The following FHIP2A variants were observed in gnomAD, a reference collection of about 807,000 sequenced individuals.
The protein encoded by FHIP2A is family with sequence similarity 160 member B1.
In FHIP2A, 46 loss-of-function variants were observed where a neutral mutation model predicts 93.5. That is an observed-to-expected ratio of 0.49 (90% confidence interval 0.39 to 0.63). The LOEUF is 0.63. FHIP2A is among the 20% of genes least tolerant of loss of function. The probability of loss-of-function intolerance (pLI) is 0.00; values close to 1 mark genes in which losing one functional copy is unlikely to be tolerated. For missense variants in FHIP2A, 769 were observed against 909.7 expected, an observed-to-expected ratio of 0.85 and a Z score of 1.99; for synonymous variants, 332 against 326.5, an observed-to-expected ratio of 1.02 and a Z score of -0.18.
At position 114,861,040 on chromosome 10, in the gene FHIP2A, A is replaced by G. The variant is rs553532271; in HGVS notation, c.2088+151A>G. ...TACATTCTGAACTACTATTTTTTCA[A>G]TTATTTTAAATAATATGTAACTTTT... On this transcript the variant is annotated intron_variant, in intron 15 of 16. Coordinates refer to ENST00000369248, the MANE Select transcript of FHIP2A (RefSeq NM_020940.4). The G allele has an allele frequency of 2.8e-5, 29 of 1,032,572 alleles. No homozygotes were observed. In the African/African-American group the frequency reaches 4.4e-4, roughly 16 times the overall value. 64.0% of individuals were successfully genotyped at this position (1,032,572 alleles called of 1,614,324 possible).
At chr10:114,870,367 A>C (rs2083853549) in intron 16 of FHIP2A, among the ~76,000 whole-genome samples, 1 of 147,124 alleles carries the variant, frequency 6.8e-6, no homozygotes, top group Admixed American at 6.8e-5. Context: ...GCCTCTTAAC[A>C]ATGATTTTAA....
chr10:114,821,821 A>C lies in FHIP2A; in HGVS notation c.-258A>C. 1 of 212,980 alleles carries C rather than the reference A, an allele frequency of 4.7e-6. No individual in the cohort carries two copies. Among genetic ancestry groups the C allele is most frequent in the Non-Finnish European group, 9.3e-6 (1 of 108,012 alleles). 13.2% of individuals were successfully genotyped at this position (212,980 alleles called of 1,614,324 possible). On this transcript the variant is annotated 5_prime_UTR_variant, in exon 1 of 17. Transcript: ENST00000369248. ...GTGTCCCAACCGGTGCCGCCGCCGG[A>C]GCTTCTCCGGGCCCCGAGTCCTCGC...
chr10:114,867,318 G>A (rs540170644), downstream of FHIP2A, among the ~76,000 whole-genome samples: 4 of 152,086 alleles, frequency 2.6e-5, no homozygotes, highest in South Asian at 8.3e-4. Context: ...TCATTCTGAT[G>A]TTGGTATAAA....
chr10:114,857,113 T>G (rs962306449), intron 14 of FHIP2A, among the ~76,000 whole-genome samples: 25 of 151,108 alleles, frequency 1.7e-4, no homozygotes, highest in Non-Finnish European at 2.4e-4. Context: ...AAAACAAAAT[T>G]AAAACACAAA....
At chr10:114,834,735 A>C (rs958604082) in intron 3 of FHIP2A, among the ~76,000 whole-genome samples, 1 of 152,174 alleles carries the variant, frequency 6.6e-6, no homozygotes, top group African/African-American at 2.4e-5. Flanking sequence ...TTCTTTGCCT[A>C]TTATAATCAT....
At chr10:114,857,314 C>CTTTTTTTTTT (rs78583275) in intron 14 of FHIP2A, among the ~76,000 whole-genome samples, 31 of 120,700 alleles carry the variant, frequency 2.6e-4, no homozygotes, top group Non-Finnish European at 7.2e-5. Context: ...ATTTCTTCTT[C>CTTTTTTTTTT]TTTTTTTTTT....
At chr10:114,825,359 T>A (rs1419491256) in intron 1 of FHIP2A, among the ~76,000 whole-genome samples, 1 of 152,212 alleles carries the variant, frequency 6.6e-6, no homozygotes, top group African/African-American at 2.4e-5. Flanking sequence ...CTGGATGTAT[T>A]CATTTAAGTG....
chr10:114,870,632 C>T (rs529905770), intron 16 of FHIP2A, among the ~76,000 whole-genome samples: 2 of 152,266 alleles, frequency 1.3e-5, no homozygotes, highest in East Asian at 3.9e-4. Flanking sequence ...TGTTGCAAGG[C>T]TACAGTAGTA....
In FHIP2A at chr10:114,863,894, T is replaced by G; in HGVS notation, c.*2354T>G. 1 of 1,086,472 alleles carries G rather than the reference T, an allele frequency of 9.2e-7. No individual in the cohort carries two copies. The allele number at this position is 1,086,472 out of a possible 1,614,324, so 67.3% of individuals were successfully genotyped here. ...ACATTTGTATCAATAAATATGCACA[T>G]TTTTTAAAACTTTCTAACAATATAG... On this transcript the variant is annotated 3_prime_UTR_variant, in exon 17 of 17. Coordinates refer to ENST00000369248, the MANE Select transcript of FHIP2A (RefSeq NM_020940.4).
chr10:114,885,556 A>G (rs1339183996), intron 16 of FHIP2A, among the ~76,000 whole-genome samples: 3 of 152,188 alleles, frequency 2.0e-5, no homozygotes, highest in Non-Finnish European at 4.4e-5. Context: ...CAGGTTTTTG[A>G]CACTAAACAT....
chr10:114,885,055 A>T (rs376369117), intron 16 of FHIP2A, among the ~76,000 whole-genome samples: 1 of 152,000 alleles, frequency 6.6e-6, no homozygotes, highest in Non-Finnish European at 1.5e-5. Flanking sequence ...AATGAATCCA[A>T]TGGCTTCTCA....
intron 16 of FHIP2A, among the ~76,000 whole-genome samples, chr10:114,889,938 C>T (rs916818718): frequency 1.3e-5 from 2 of 152,230 alleles, no homozygotes; most frequent in African/African-American, 2.4e-5. Context: ...CATTGCTTTG[C>T]CAGGTTTCCC....
intron 16 of FHIP2A, among the ~76,000 whole-genome samples, chr10:114,878,840 G>A (rs2083903011): frequency 6.6e-6 from 1 of 151,634 alleles, no homozygotes; most frequent in African/African-American, 2.4e-5. Flanking sequence ...TGGCTCATAG[G>A]TGTCCTCTAC....
At chr10:114,840,690 A>G (rs2083663774) in intron 5 of FHIP2A, among the ~76,000 whole-genome samples, 1 of 152,202 alleles carries the variant, frequency 6.6e-6, no homozygotes, top group Non-Finnish European at 1.5e-5. Flanking sequence ...CAGATGCAGA[A>G]GCTGGGAAAG....
chr10:114,853,108 G>C (rs1263954496), intron 13 of FHIP2A, among the ~76,000 whole-genome samples: 1 of 152,010 alleles, frequency 6.6e-6, no homozygotes, highest in East Asian at 1.9e-4. Context: ...CTTGCCTTGG[G>C]GTTATAAGGT....
intron 13 of FHIP2A, among the ~76,000 whole-genome samples, chr10:114,849,977 T>A (rs2083725127): frequency 6.6e-6 from 1 of 152,236 alleles, no homozygotes; most frequent in Non-Finnish European, 1.5e-5. Context: ...TATGGCTGAA[T>A]AATATTTTAT....
downstream of FHIP2A, among the ~76,000 whole-genome samples, chr10:114,866,157 GTGT>G (rs1334242694): frequency 6.6e-6 from 1 of 151,332 alleles, no homozygotes; most frequent in Admixed American, 6.6e-5. Flanking sequence ...GCCCCAGTGT[GTGT>G]TGTTTCCCGC....
At chr10:114,871,229 T>C (rs2083858506) in intron 16 of FHIP2A, among the ~76,000 whole-genome samples, 1 of 151,952 alleles carries the variant, frequency 6.6e-6, no homozygotes, top group Non-Finnish European at 1.5e-5. Context: ...CATAGCACAC[T>C]GCAACCTTGA....
intron 16 of FHIP2A, among the ~76,000 whole-genome samples, chr10:114,886,723 T>C (rs975105792): frequency 6.6e-6 from 1 of 152,140 alleles, no homozygotes; most frequent in Non-Finnish European, 1.5e-5. Flanking sequence ...TTTTGTATTT[T>C]TAGTAGAGAC....
Sources: allele counts gnomAD v4.1 joint callset (sites outside exome capture counted in the v4.1 genomes callset), GRCh38; gene constraint gnomAD v4.1.1; transcripts MANE v1.5; gene names NCBI Gene and HGNC (gene_info 2026-07-23, HGNC 2026-07-21).